The following DOCK9 variants were observed in gnomAD, a reference collection of about 807,000 sequenced individuals.
DOCK9 encodes dedicator of cytokinesis 9.
In DOCK9, 89 loss-of-function variants were observed where a neutral mutation model predicts 263.3. The observed-to-expected ratio is 0.34, with a 90% CI of 0.28 to 0.40. The LOEUF (loss-of-function observed/expected upper bound fraction) is 0.40. DOCK9 is among the 10% of genes least tolerant of loss of function. The probability of loss-of-function intolerance (pLI) is 1.00; values close to 1 mark genes in which losing one functional copy is unlikely to be tolerated. For synonymous variants in DOCK9, 976 were observed against 973.1 expected (o/e 1.00, Z -0.06); for missense variants, 2,140 against 2,603.4 (o/e 0.82, Z 3.87).
chr13:99,070,452 C>T (rs1230555062), intron 1 of DOCK9, among the ~76,000 whole-genome samples: 9 of 152,104 alleles, frequency 5.9e-5, no homozygotes, highest in Admixed American at 2.0e-4. Context: ...CTGCTTACTG[C>T]GTTTTTTTTG....
chr13:99,038,438 G>A (rs1336016695), intron 1 of DOCK9, among the ~76,000 whole-genome samples: 2 of 151,418 alleles, frequency 1.3e-5, no homozygotes, highest in African/African-American at 2.4e-5. Flanking sequence ...CCGAGTAGCT[G>A]GGATTACAGG....
rs772588046 is a variant in DOCK9, at chr13:98,883,839, G to T, written c.2443C>A (p.His815Asn). 1.9e-6 allele frequency: 3 copies of T among 1,612,410 alleles called. No homozygotes were observed. The highest frequency in any genetic ancestry group is 2.5e-6 in the Non-Finnish European group (3 of 1,179,306). Reference sequence around the variant, plus strand: ...TGAGTATACACTGTAGAAACCAGATGAGTGGAAATTTTCAGCAGTGGCTTG... The same window carrying T: ...TGAGTATACACTGTAGAAACCAGATTAGTGGAAATTTTCAGCAGTGGCTTG... ...GGKPLLKIST[H>N]LVSTVYTQDQ... The change falls in exon 22 of 53, where the codon CAT becomes AAT. Residue 815 changes from histidine to asparagine, a missense_variant. Physicochemically the swap from His to Asn is moderately conservative, Grantham distance 68. Around this residue, in one of 2 missense-constraint regions of DOCK9, gnomAD observed 1,521 missense variants for 1,741.7 expected, o/e 0.87. Transcript: ENST00000682017.
chr13:98,811,316 G>T (rs1378687493), intron 45 of DOCK9, among the ~76,000 whole-genome samples: 3 of 151,986 alleles, frequency 2.0e-5, no homozygotes, highest in African/African-American at 7.3e-5. Context: ...TTTTCTACTG[G>T]ATTGCTTATT....
chr13:98,959,390 G>A (rs1567097175), intron 1 of DOCK9: 1 of 152,166 alleles, frequency 6.6e-6, no homozygotes. Flanking sequence ...TTTTCAACTT[G>A]TACAAACCCT....
chr13:98,904,864 C>T (rs1461421989), intron 9 of DOCK9, among the ~76,000 whole-genome samples, 158 bp from the exon 10 acceptor site: 1 of 152,200 alleles, frequency 6.6e-6, no homozygotes, highest in East Asian at 1.9e-4. Context: ...GTGTGCAGCA[C>T]ACAAAGAAAG....
At chr13:99,014,745 G>A (rs1885115579) in intron 1 of DOCK9, among the ~76,000 whole-genome samples, 1 of 152,198 alleles carries the variant, frequency 6.6e-6, no homozygotes, top group Non-Finnish European at 1.5e-5. Context: ...CCTGAGAGAG[G>A]AGGAGACCCA....
At chr13:98,912,758 G>A (rs1488168662) in intron 9 of DOCK9, among the ~76,000 whole-genome samples, 1 of 151,982 alleles carries the variant, frequency 6.6e-6, no homozygotes, top group East Asian at 1.9e-4. Context: ...TCAACATTAG[G>A]CTCAAATAAC....
intron 35 of DOCK9, among the ~76,000 whole-genome samples, chr13:98,850,501 G>A (rs1016490174): frequency 6.6e-6 from 1 of 151,726 alleles, no homozygotes; most frequent in Non-Finnish European, 1.5e-5. Context: ...CAGGGAATTT[G>A]TTGAAAATCT....
chr13:98,935,763 G>C (rs2054713202), intron 2 of DOCK9, among the ~76,000 whole-genome samples: 1 of 152,092 alleles, frequency 6.6e-6, no homozygotes, highest in African/African-American at 2.4e-5. Context: ...ATGAGAGCCT[G>C]TCTCAAAAAA....
chr13:98,973,777 T>C (rs1425377406), intron 1 of DOCK9, among the ~76,000 whole-genome samples: 1 of 152,124 alleles, frequency 6.6e-6, no homozygotes, highest in Non-Finnish European at 1.5e-5. Context: ...TTTGTATTTT[T>C]TGTAGAGACG....
intron 15 of DOCK9, among the ~76,000 whole-genome samples, chr13:98,891,411 T>C (rs539801315): frequency 7.2e-5 from 11 of 152,210 alleles, no homozygotes; most frequent in Admixed American, 3.3e-4. Flanking sequence ...GAGTTAGAAA[T>C]ACTCTGTTTA....
chr13:98,796,234 G>C (rs1269410972), intron 52 of DOCK9: 1 of 1,581,740 alleles, frequency 6.3e-7, no homozygotes, highest in Admixed American at 1.8e-5. Context: ...TAGCATGGAG[G>C]AGAAAAAAAG....
chr13:98,983,442 G>GA (rs910877357), intron 1 of DOCK9, among the ~76,000 whole-genome samples: 54 of 152,164 alleles, frequency 3.5e-4, no homozygotes, highest in African/African-American at 1.3e-3. Flanking sequence ...AGTGAGGCAG[G>GA]AAAGAGCCAG....
In DOCK9 at chr13:98,829,331, A is replaced by C; in HGVS notation, c.4941T>G (p.His1647Gln). Residue 1647 changes from histidine (H) to glutamine (Q), a missense_variant, in exon 43 of 53, where the codon CAT (histidine) becomes CAG (glutamine). Coordinates refer to ENST00000682017, the MANE Select transcript of DOCK9 (RefSeq NM_001366683.2). This position sits in a 1 kb window ranked among gnomAD's most constrained non-coding sequence, Gnocchi z 4.1. The stretch of plus-strand genomic sequence containing the variant: ...CCTCTGAGAGATCGCCATTTTTGAC[A>C]TGGATCCTGGCCATGCTGTCGAGCC... ...KTWLDSMARIHVKNGDLSEAA... is the reference protein window; with the variant it reads ...KTWLDSMARIQVKNGDLSEAA... 2 of 1,613,038 alleles carry C rather than the reference A, an allele frequency of 1.2e-6. No individual in the cohort carries two copies. The highest frequency in any genetic ancestry group is 1.7e-6 in the Non-Finnish European group (2 of 1,179,606).
chr13:98,885,956 T>C (rs1490044891), intron 19 of DOCK9, 125 bp from the exon 20 acceptor site: 2 of 862,778 alleles, frequency 2.3e-6, no homozygotes, highest in Non-Finnish European at 3.3e-6. Context: ...ATATTAACAT[T>C]TGCACTCAAA....
In DOCK9 at chr13:98,800,354, C is replaced by A; in HGVS notation, c.5850G>T (p.Leu1950=). Residue 1950 remains leucine (L), a synonymous_variant, in exon 50 of 53, where the codon CTG becomes CTT. Transcript: ENST00000682017. The part of the protein sequence containing the change: ...MSKKVAELRQ[L]CSSAEVDMIK... ...TCATGTCCACCTCGGCCGAGGAGCA[C>A]AGCTGCCGGAGCTCCGCCACCTTCT... 2 of 1,613,490 alleles carry A rather than the reference C, an allele frequency of 1.2e-6. No homozygotes were observed. Among genetic ancestry groups the A allele is most frequent in the Non-Finnish European group, 1.7e-6 (2 of 1,179,704 alleles).
intron 32 of DOCK9, among the ~76,000 whole-genome samples, chr13:98,862,492 G>A (rs900036187): frequency 7.2e-5 from 11 of 152,084 alleles, no homozygotes; most frequent in Non-Finnish European, 1.6e-4. Context: ...TTCAAGACCA[G>A]CCTGGCCAAC....
chr13:98,890,516 G>A (rs2046458152), intron 15 of DOCK9, among the ~76,000 whole-genome samples: 1 of 152,194 alleles, frequency 6.6e-6, no homozygotes, highest in African/African-American at 2.4e-5. Context: ...AACACGATAT[G>A]ACTTAGTCTT....
At chr13:99,083,172 C>T (rs9517590) in intron 1 of DOCK9, among the ~76,000 whole-genome samples, 42,256 of 151,674 alleles carry the variant, frequency 0.28, 6,254 homozygotes, top group East Asian at 0.43. Context: ...AGAGAATCAC[C>T]TGAATCTGGG....
Sources: allele counts gnomAD v4.1 joint callset (sites outside exome capture counted in the v4.1 genomes callset), GRCh38; gene constraint gnomAD v4.1.1; regional missense constraint gnomAD v4.1.1; non-coding constraint Gnocchi (gnomAD v3.1); transcripts MANE v1.5; gene names NCBI Gene and HGNC (gene_info 2026-07-23, HGNC 2026-07-21).